WDR20: variants seen among roughly 807,000 people sequenced by gnomAD.
WDR20 encodes the protein WD repeat-containing protein 20.
A neutral mutation model predicts 38.7 loss-of-function variants in WDR20; 3 were observed. The observed-to-expected ratio is 0.08, with a 90% CI of 0.04 to 0.20. The LOEUF is 0.20. WDR20 is among the 10% of genes least tolerant of loss of function. The probability of loss-of-function intolerance (pLI) is 1.00; values close to 1 mark genes in which losing one functional copy is unlikely to be tolerated. For missense variants in WDR20, 559 were observed against 727.7 expected, an observed-to-expected ratio of 0.77 and a Z score of 2.67; for synonymous variants, 298 against 285.6, an observed-to-expected ratio of 1.04 and a Z score of -0.44.
rs575647715 is a variant in WDR20 at position 102,209,233 on chromosome 14, C to A, written c.1063C>A (p.Arg355=). 24 of 1,614,164 alleles carry A rather than the reference C, an allele frequency of 1.5e-5. No individual in the cohort carries two copies. Among genetic ancestry groups the A allele is most frequent in the Non-Finnish European group, 2.0e-5 (24 of 1,180,042 alleles). The change falls in exon 3 of 3, where the codon CGG becomes AGG. Residue 355 remains arginine, a synonymous_variant. Coordinates refer to ENST00000342702, the MANE Select transcript of WDR20 (RefSeq NM_144574.4). The surrounding 1 kb of genome is among the most constrained non-coding windows in gnomAD (Gnocchi z 6.0). The stretch of plus-strand genomic sequence containing the variant: ...TAGTACACAGTCCAGGCTCTCCAAA[C>A]GGAACTCTACAGACAGCCGCCCCGT... ...ANSTQSRLSK[R]NSTDSRPVSV...
At chr14:102,157,762 G>C (rs1279973892) in intron 1 of WDR20, among the ~76,000 whole-genome samples, 4 of 152,146 alleles carry the variant, frequency 2.6e-5, no homozygotes, top group Admixed American at 2.6e-4. Flanking sequence ...CTCCTTCTGG[G>C]AGTGTGAGCT....
intron 1 of WDR20, among the ~76,000 whole-genome samples, chr14:102,187,555 G>C (rs1260354854): frequency 6.6e-6 from 1 of 152,152 alleles, no homozygotes; most frequent in Non-Finnish European, 1.5e-5. Flanking sequence ...AATGTATGTG[G>C]AGGGGCGGGG....
downstream of WDR20, among the ~76,000 whole-genome samples, chr14:102,216,320 TTG>T: frequency 6.6e-6 from 1 of 152,284 alleles, no homozygotes; most frequent in East Asian, 1.9e-4. Context: ...GCGTTTTGGT[TTG>T]TGTTTTTTGA....
At chr14:102,155,256 A>G (rs931271331) in intron 1 of WDR20, among the ~76,000 whole-genome samples, 2 of 152,338 alleles carry the variant, frequency 1.3e-5, no homozygotes, top group East Asian at 3.9e-4. Context: ...TCTTTCAGAA[A>G]TGGTAAGGTA....
intron 1 of WDR20, among the ~76,000 whole-genome samples, chr14:102,152,727 TA>T (rs2056353672): frequency 6.6e-6 from 1 of 152,178 alleles, no homozygotes; most frequent in African/African-American, 2.4e-5. Context: ...ATGATCTCGT[TA>T]AATCTTTGCA....
chr14:102,146,940 T>C (rs895726932), intron 1 of WDR20, among the ~76,000 whole-genome samples: 2 of 152,214 alleles, frequency 1.3e-5, no homozygotes, highest in Non-Finnish European at 2.9e-5. Flanking sequence ...TGGAAACTTG[T>C]GTTTCTTTTC....
intron 1 of WDR20, among the ~76,000 whole-genome samples, chr14:102,171,079 G>A (rs1218339514): frequency 1.3e-5 from 2 of 151,988 alleles, no homozygotes; most frequent in African/African-American, 4.8e-5. Flanking sequence ...AGGCTCCTGA[G>A]TAGCTGGGAT....
At chr14:102,159,412 C>T (rs1186477784) in intron 1 of WDR20, among the ~76,000 whole-genome samples, 1 of 152,186 alleles carries the variant, frequency 6.6e-6, no homozygotes, top group African/African-American at 2.4e-5. Flanking sequence ...GTTGGAAGTG[C>T]AGAATATTGG....
At chr14:102,196,363 TG>T (rs1325514610) in intron 2 of WDR20, among the ~76,000 whole-genome samples, 16 of 152,196 alleles carry the variant, frequency 1.1e-4, no homozygotes, top group South Asian at 4.1e-4. Flanking sequence ...TTTACCTAGA[TG>T]TTTTTTTAGT....
chr14:102,201,806 T>A (rs895694987), intron 2 of WDR20, among the ~76,000 whole-genome samples: 1 of 152,186 alleles, frequency 6.6e-6, no homozygotes, highest in Non-Finnish European at 1.5e-5. Flanking sequence ...CATTTTGGAG[T>A]TGGACACTGA....
At chr14:102,140,327 G>A in intron 1 of WDR20, 155 bp downstream of exon 1, 1 of 1,241,326 alleles carries the variant, frequency 8.1e-7, no homozygotes, top group Non-Finnish European at 1.1e-6. Context: ...GAGGAGAGGG[G>A]ATTCAGGAGT....
intron 1 of WDR20, among the ~76,000 whole-genome samples, chr14:102,174,353 C>T (rs1210042316): frequency 6.6e-6 from 1 of 152,150 alleles, no homozygotes; most frequent in Non-Finnish European, 1.5e-5. Context: ...AGTTTACATT[C>T]CCACCAGCCA....
At chr14:102,164,779 C>T (rs2059431627) in intron 1 of WDR20, among the ~76,000 whole-genome samples, 1 of 152,190 alleles carries the variant, frequency 6.6e-6, no homozygotes, top group Non-Finnish European at 1.5e-5. Context: ...ATTTAACTAT[C>T]GGATTTCTTT....
downstream of WDR20, chr14:102,213,262 T>C: frequency 1.0e-6 from 1 of 985,480 alleles, no homozygotes; most frequent in Non-Finnish European, 1.2e-6. Context: ...CCCAGCGGCC[T>C]GGAGAAGGGA....
At chr14:102,198,493 A>ATGTG (rs2152960397) in intron 2 of WDR20, 1 of 156,284 alleles carries the variant, frequency 6.4e-6, no homozygotes, top group South Asian at 1.8e-4. Context: ...GCTGTGCCTC[A>ATGTG]TGTGAGAAGA....
At chr14:102,143,388 C>A (rs911757635) in intron 1 of WDR20, among the ~76,000 whole-genome samples, 1 of 123,324 alleles carries the variant, frequency 8.1e-6, no homozygotes, top group African/African-American at 2.9e-5. Context: ...TATTTAAAGA[C>A]AGTATTAACA....
At chr14:102,189,767 T>A (rs2065871777) in intron 1 of WDR20, among the ~76,000 whole-genome samples, 3 of 152,244 alleles carry the variant, frequency 2.0e-5, no homozygotes, top group Non-Finnish European at 4.4e-5. Context: ...CAGTGGTAAC[T>A]GTTTAATAAA....
downstream of WDR20, among the ~76,000 whole-genome samples, chr14:102,218,978 CAGA>C (rs966651285): frequency 5.3e-5 from 8 of 152,316 alleles, no homozygotes; most frequent in African/African-American, 1.4e-4. Context: ...GAAAAGGAAG[CAGA>C]AGGACAGGGT....
chr14:102,156,083 C>T (rs772882591), intron 1 of WDR20, among the ~76,000 whole-genome samples: 27 of 150,680 alleles, frequency 1.8e-4, no homozygotes, highest in African/African-American at 4.7e-4. Flanking sequence ...CACTCCCTGC[C>T]CACAGATGTT....
Sources: gnomAD v4.1 joint callset for allele counts (sites outside exome capture counted in the v4.1 genomes callset) on GRCh38, gnomAD v4.1.1 for gene constraint, Gnocchi (gnomAD v3.1) non-coding constraint, MANE v1.5 for transcripts, NCBI Gene and HGNC (gene_info 2026-07-23, HGNC 2026-07-21) for gene names.